The following MYL3 variants were observed in gnomAD, a reference collection of about 807,000 sequenced individuals.
MYL3 encodes CMLC1.
A neutral mutation model predicts 21.3 loss-of-function variants in MYL3; 11 were observed. That is an observed-to-expected ratio of 0.52 (90% CI 0.32 to 0.85). The LOEUF is 0.85. Ranked by LOEUF, MYL3 falls within the 40% of genes least tolerant of loss-of-function variation. The pLI, the probability that MYL3 is intolerant of heterozygous loss-of-function variation, is 0.03. For missense variants in MYL3, 206 were observed against 253.3 expected (o/e 0.81, Z 1.27); for synonymous variants, 88 against 91.6 (o/e 0.96, Z 0.22).
In MYL3 at chr3:46,860,852, G is replaced by A; in HGVS notation, c.158-27C>T. 1 of 1,614,026 alleles carries A rather than the reference G, an allele frequency of 6.2e-7. No homozygotes were observed. Among genetic ancestry groups the A allele is most frequent in the Non-Finnish European group, 8.5e-7 (1 of 1,179,994 alleles). On this transcript the variant is annotated intron_variant, in intron 2 of 6. Coordinates refer to ENST00000292327, the MANE Select transcript of MYL3 (RefSeq NM_000258.3). The surrounding 1 kb of genome is among the most constrained non-coding windows in gnomAD (Gnocchi z 4.6). ...TGCCAGGAGAGGGCAGTGAGCCACA[G>A]ACACTCCCAGGGTCAGCCTACCCCA...
upstream of MYL3, among the ~76,000 whole-genome samples, chr3:46,864,781 G>A (rs1702031754): frequency 6.6e-6 from 1 of 152,190 alleles, no homozygotes; most frequent in South Asian, 2.1e-4. The surrounding 1 kb of genome is among the most constrained non-coding windows in gnomAD (Gnocchi z 4.7). Context: ...GGCCCCCAGG[G>A]TCCATCCCAA....
chr3:46,858,690 G>T (rs1415715507), intron 4 of MYL3, among the ~76,000 whole-genome samples: 1 of 152,190 alleles, frequency 6.6e-6, no homozygotes, highest in African/African-American at 2.4e-5. Context: ...ACTAGGCTGG[G>T]AGGGGGTCCC....
chr3:46,880,510 CA>C (rs2106942287), intron 1 of MYL3, among the ~76,000 whole-genome samples: 1 of 152,220 alleles, frequency 6.6e-6, no homozygotes, highest in East Asian at 1.9e-4. Context: ...GAGGCTGAGG[CA>C]GGTGGATCAC....
intron 1 of MYL3, among the ~76,000 whole-genome samples, chr3:46,872,792 A>C (rs2029983950): frequency 6.6e-6 from 1 of 152,260 alleles, no homozygotes; most frequent in Non-Finnish European, 1.5e-5. Context: ...CTTTCTGAGA[A>C]GATGCCGTCA....
At chr3:46,866,027 C>A (rs1044259644), upstream of MYL3, among the ~76,000 whole-genome samples, 1 of 151,804 alleles carries the variant, frequency 6.6e-6, no homozygotes, top group East Asian at 1.9e-4. Flanking sequence ...CTCTTCAGGA[C>A]CAGCCAGAGC....
intron 1 of MYL3, among the ~76,000 whole-genome samples, chr3:46,871,390 T>C (rs1702112107): frequency 6.6e-6 from 1 of 152,234 alleles, no homozygotes; most frequent in Non-Finnish European, 1.5e-5. Context: ...GTCAGCGTCC[T>C]GGTTTGGGGC....
intron 1 of MYL3, among the ~76,000 whole-genome samples, chr3:46,869,556 T>C (rs1347979412): frequency 6.6e-6 from 1 of 152,030 alleles, no homozygotes; most frequent in Non-Finnish European, 1.5e-5. Context: ...ACTGGACGGG[T>C]GTGGATAGTC....
Position 46,870,932 on chromosome 3 carries a change from G to A in MYL3, c.-217-4332C>T, listed in dbSNP as rs911546882. 5.3e-5 allele frequency among the ~76,000 whole-genome samples: 8 copies of A among 152,152 alleles called. No individual in the cohort carries two copies. The South Asian group carries it at 6.2e-4, about 12-fold the overall frequency. ...GGGAGCTTGGGCCAAGAGCAGGCAC[G>A]CTGTACCACACACCTTTACCATATA... On this transcript the variant is annotated intron_variant, in intron 1 of 3. Coordinates refer to the MYL3 transcript ENST00000431168.
chr3:46,880,658 C>G (rs555046500), intron 1 of MYL3, among the ~76,000 whole-genome samples: 1 of 151,962 alleles, frequency 6.6e-6, no homozygotes, highest in African/African-American at 2.4e-5. Flanking sequence ...GCCTGGGAAG[C>G]GGAGGTTGCA....
rs2030398286 is a variant in MYL3 at position 46,879,067 on chromosome 3, T to C, written c.-218+3007A>G. Among the ~76,000 whole-genome samples, 1 of 152,138 alleles carries C rather than the reference T, an allele frequency of 6.6e-6. No homozygotes were observed. Among genetic ancestry groups the C allele is most frequent in the Admixed American group, 6.5e-5 (1 of 15,284 alleles). ...TTAATGTGTGACACCCCCACCCTCA[T>C]GGTAGCACTTTAACCAGAGGCCCGA... On this transcript the variant is annotated intron_variant, in intron 1 of 3. Coordinates refer to the MYL3 transcript ENST00000431168. This position sits in a 1 kb window ranked among gnomAD's most constrained non-coding sequence, Gnocchi z 4.7.
chr3:46,858,596 G>A, intron 4 of MYL3, 135 bp from the exon 5 acceptor site: 1 of 854,060 alleles, frequency 1.2e-6, no homozygotes, highest in Non-Finnish European at 1.9e-6. Context: ...CAAGACCTTG[G>A]CCATCACCCC....
At chr3:46,863,236 T>C (rs757980234) in intron 1 of MYL3, 26 bp downstream of exon 1, 1 of 1,613,712 alleles carries the variant, frequency 6.2e-7, no homozygotes, top group Non-Finnish European at 8.5e-7. Flanking sequence ...CTGCTCCTAT[T>C]GCCACCACCC....
rs771114109 is a variant in MYL3, at chr3:46,863,286, G to A, written c.105C>T (p.Val35=). The A allele has an allele frequency of 1.2e-5, 19 of 1,613,956 alleles. No individual in the cohort carries two copies. Among genetic ancestry groups the A allele is most frequent in the Admixed American group, 6.7e-5 (4 of 60,012 alleles). The part of the protein sequence containing the change: ...PPPEPERPKE[V]EFDASKIKIE... Reference sequence around the variant, plus strand: ...CCTTGATCTTGGAAGCATCAAACTCGACCTCCTTAGGGCGCTCAGGCTCAG... The same window carrying A: ...CCTTGATCTTGGAAGCATCAAACTCAACCTCCTTAGGGCGCTCAGGCTCAG... Residue 35 remains valine, a synonymous_variant, in exon 1 of 7, where the codon GTC becomes GTT. Transcript: ENST00000292327.
chr3:46,863,224 C>T (rs1199792493), intron 1 of MYL3, 38 bp downstream of exon 1: 1 of 1,613,222 alleles, frequency 6.2e-7, no homozygotes, highest in South Asian at 1.1e-5. Context: ...CACTCACTTG[C>T]CCTGCTCCTA....
chr3:46,881,186 C>T (rs956663722), intron 1 of MYL3: 2 of 152,350 alleles, frequency 1.3e-5, no homozygotes, highest in African/African-American at 4.8e-5. Context: ...CATTCGCTTC[C>T]TCCGCGATCC....
In MYL3 at chr3:46,872,291, G is replaced by A. The variant is rs144699357; in HGVS notation, c.-217-5691C>T. 1.3e-3 allele frequency among the ~76,000 whole-genome samples: 199 copies of A among 152,332 alleles called. 2 individuals are homozygous for A. The highest frequency in any genetic ancestry group is 5.9e-3 in the Admixed American group (90 of 15,306). ...CCAAGGCTGCAGATGAGCTGGGAGG[G>A]GCTGGGGAGTTCCTGCGCCCCGAGG... is the stretch of plus-strand genomic sequence containing the variant. On this transcript the variant is annotated intron_variant, in intron 1 of 3. Transcript: ENST00000431168.
chr3:46,860,803 C>A lies in MYL3; in HGVS notation c.180G>T (p.Leu60=). 1 of 1,614,128 alleles carries A rather than the reference C, an allele frequency of 6.2e-7. No individual in the cohort carries two copies. Among genetic ancestry groups the A allele is most frequent in the East Asian group, 2.2e-5 (1 of 44,874 alleles). ...TCTCACACTTGGGTGTGCGGTCGAA[C>A]AGCATGAAGGCTTCCTTGAACTCTG... is the stretch of plus-strand genomic sequence containing the variant. ...QIEEFKEAFM[L]FDRTPKCEMK... is the part of the protein sequence containing the mutation. Residue 60 remains leucine, a synonymous_variant, in exon 3 of 7, where the codon CTG becomes CTT. Coordinates refer to ENST00000292327, the MANE Select transcript of MYL3 (RefSeq NM_000258.3). The surrounding 1 kb of genome is among the most constrained non-coding windows in gnomAD (Gnocchi z 4.6).
intron 1 of MYL3, 129 bp downstream of exon 1, chr3:46,863,133 C>T: frequency 1.4e-6 from 2 of 1,408,892 alleles, no homozygotes; most frequent in Admixed American, 1.7e-5. Flanking sequence ...CTTGTCTGAC[C>T]TCTGCACAGA....
intron 1 of MYL3, among the ~76,000 whole-genome samples, chr3:46,869,616 G>A (rs1164053796): frequency 6.6e-6 from 1 of 152,258 alleles, no homozygotes; most frequent in Non-Finnish European, 1.5e-5. Flanking sequence ...GTGTGATTGT[G>A]TGGGAGTGTG....
Sources: allele counts gnomAD v4.1 joint callset (sites outside exome capture counted in the v4.1 genomes callset), GRCh38; gene constraint gnomAD v4.1.1; non-coding constraint Gnocchi (gnomAD v3.1); transcripts MANE v1.5; gene names NCBI Gene and HGNC (gene_info 2026-07-23, HGNC 2026-07-21).